The following KIFC3 variants were observed in gnomAD, a reference collection of about 807,000 sequenced individuals.
KIFC3 encodes kinesin-like protein KIFC3.
A neutral mutation model predicts 101.8 loss-of-function variants in KIFC3; 60 were observed. That is an observed-to-expected ratio of 0.59 (90% CI 0.48 to 0.73). The LOEUF (loss-of-function observed/expected upper bound fraction) is 0.73. Among genes scored for constraint, KIFC3 ranks in the 30% least tolerant of loss-of-function variants. The probability of loss-of-function intolerance (pLI) is 0.00; values close to 1 mark genes in which losing one functional copy is unlikely to be tolerated. For synonymous variants in KIFC3, 476 were observed against 482.7 expected, an observed-to-expected ratio of 0.99 and a Z score of 0.18; for missense variants, 966 against 1,137.1, an observed-to-expected ratio of 0.85 and a Z score of 2.16.
chr16:57,797,897 G>A (rs1220654791), intron 2 of KIFC3, 175 bp downstream of exon 2: 4 of 1,478,196 alleles, frequency 2.7e-6, no homozygotes, highest in South Asian at 1.4e-5. Flanking sequence ...GGGAAGGAGC[G>A]CCCGGCGAGA....
At position 57,828,174 on chromosome 16, in the gene KIFC3, T is replaced by C. The variant is rs372573645; in HGVS notation, c.109-29892A>G. ...CCACTCTGCGCTCCTCCTCCTCCTC[T>C]CCTTCCTCATCATGAGGGAGCCCCT... On this transcript the variant is annotated intron_variant, in intron 1 of 2. Transcript: ENST00000563028. 3.9e-4 allele frequency among the ~76,000 whole-genome samples: 60 copies of C among 152,320 alleles called. 1 individual carries two copies. In the South Asian group the frequency reaches 0.012, roughly 30 times the overall value.
At position 57,766,603 on chromosome 16, in the gene KIFC3, C is replaced by T. The variant is rs1273020077; in HGVS notation, c.1330+271G>A. 2.0e-5 allele frequency among the ~76,000 whole-genome samples: 3 copies of T among 152,302 alleles called. No homozygotes were observed. In the East Asian group the frequency reaches 5.8e-4, roughly 29 times the overall value. On this transcript the variant is annotated intron_variant, in intron 10 of 19. Transcript: ENST00000445690. Reference sequence around the variant, plus strand: ...CCAACCCAATGCTGCAACACCACACCCCTCGGCTACCCAGGGCCTGGGGAG... The same window carrying T: ...CCAACCCAATGCTGCAACACCACACTCCTCGGCTACCCAGGGCCTGGGGAG...
chr16:57,776,048 G>C, intron 3 of KIFC3: 4 of 985,470 alleles, frequency 4.1e-6, no homozygotes, highest in Non-Finnish European at 4.8e-6. Flanking sequence ...AGCCAGCCCA[G>C]GTCTTTGTGT....
intron 1 of KIFC3, among the ~76,000 whole-genome samples, chr16:57,855,670 G>A (rs1393487198): frequency 3.3e-5 from 5 of 151,898 alleles, no homozygotes; most frequent in Non-Finnish European, 7.4e-5. Flanking sequence ...ACTTGGCCAG[G>A]TGTGGTGGCT....
chr16:57,834,113 G>A (rs1050497408), intron 1 of KIFC3, among the ~76,000 whole-genome samples: 6 of 151,834 alleles, frequency 4.0e-5, no homozygotes, highest in Non-Finnish European at 5.9e-5. Context: ...CTGCCCGCTC[G>A]GCCTCCCAAA....
chr16:57,783,666 T>C (rs1176822963), intron 3 of KIFC3, among the ~76,000 whole-genome samples: 6 of 151,882 alleles, frequency 4.0e-5, no homozygotes, highest in Admixed American at 1.3e-4. Context: ...AGAGACGGGG[T>C]TTCACTATGT....
At position 57,758,313 on chromosome 16, in the gene KIFC3, C is replaced by T. The variant is rs2049377767; in HGVS notation, c.*621G>A. 1 of 246,256 alleles carries T rather than the reference C, an allele frequency of 4.1e-6. No homozygotes were observed. The highest frequency in any genetic ancestry group is 4.3e-5 in the South Asian group (1 of 23,432). The allele number at this position is 246,256 out of a possible 1,614,324, so 15.3% of individuals were successfully genotyped here. A position where few individuals can be genotyped will look rare whatever the true frequency, so the allele number is the denominator to read the frequency against. ...TCAGAGGGAAGAAAATTCGAGAGAC[C>T]AGCGAGCCAGGCAGGTGAGCGAGCA... On this transcript the variant is annotated 3_prime_UTR_variant, in exon 20 of 20. Coordinates refer to ENST00000445690, the MANE Select transcript of KIFC3 (RefSeq NM_001130100.2).
chr16:57,798,430 C>A, intron 1 of KIFC3, 148 bp from the exon 2 acceptor site: 1 of 697,512 alleles, frequency 1.4e-6, no homozygotes, highest in Admixed American at 2.6e-5. Flanking sequence ...CCCCCAAAGA[C>A]CCTAGGGCTC....
chr16:57,799,072 C>T lies in KIFC3; in HGVS notation c.-39-790G>A, dbSNP rs185249668. On this transcript the variant is annotated intron_variant, in intron 1 of 19. Transcript: ENST00000445690. ...AGCAGGCTACTGGAGGCGGCAGGTG[C>T]GAGCCAGGCACCAGGTGGTGTGGGG... Among the ~76,000 whole-genome samples the T allele has an allele frequency of 1.1e-3, 172 of 152,280 alleles. 1 individual carries two copies. The highest frequency in any genetic ancestry group is 3.4e-3 in the Middle Eastern group (1 of 294).
intron 3 of KIFC3, among the ~76,000 whole-genome samples, chr16:57,783,370 T>C (rs909243241): frequency 4.6e-5 from 7 of 152,128 alleles, no homozygotes; most frequent in African/African-American, 1.7e-4. Flanking sequence ...GATGGGTGCA[T>C]TGCCACCTTA....
At chr16:57,858,943 G>A (rs1200699116) in intron 1 of KIFC3, among the ~76,000 whole-genome samples, 1 of 151,816 alleles carries the variant, frequency 6.6e-6, no homozygotes, top group Non-Finnish European at 1.5e-5. Context: ...GAGCAAGACT[G>A]TCTCAAAAAA....
In KIFC3 at chr16:57,769,654, G is replaced by T; in HGVS notation, c.1159C>A (p.Arg387=). The T allele has an allele frequency of 1.2e-6, 2 of 1,611,796 alleles. No homozygotes were observed. The highest frequency in any genetic ancestry group is 1.7e-6 in the Non-Finnish European group (2 of 1,180,016). The change falls in exon 9 of 20, where the codon CGG becomes AGG. Residue 387 remains arginine, a synonymous_variant. Coordinates refer to ENST00000445690, the MANE Select transcript of KIFC3 (RefSeq NM_001130100.2). This position sits in a 1 kb window ranked among gnomAD's most constrained non-coding sequence, Gnocchi z 4.3. ...TLTNDYNGLK[R]QVRGFPLLLQ... ...AGCAGTGGGAAGCCGCGCACCTGCC[G>T]CTTGAGCCCATTGTAGTCGTTGGTG...
At position 57,800,477 on chromosome 16, in the gene KIFC3, T is replaced by C. The variant is rs557883211; in HGVS notation, c.-40+1893A>G. Among the ~76,000 whole-genome samples the C allele has an allele frequency of 1.2e-3, 178 of 152,296 alleles. 1 individual carries two copies. Among genetic ancestry groups the C allele is most frequent in the African/African-American group, 4.3e-3 (177 of 41,574 alleles). ...CACAACCAACCCTGCAGACCAGCTG[T>C]CCAATGGGCAAGGGAAGGAGCAAGG... is the stretch of plus-strand genomic sequence containing the variant. On this transcript the variant is annotated intron_variant, in intron 1 of 19. Coordinates refer to ENST00000445690, the MANE Select transcript of KIFC3 (RefSeq NM_001130100.2).
intron 3 of KIFC3, chr16:57,779,454 G>A (rs1184009808): frequency 1.3e-5 from 2 of 152,196 alleles, no homozygotes; most frequent in Admixed American, 1.3e-4. Context: ...AAGAGTTCTG[G>A]AGATGGATGG....
At chr16:57,852,224 G>A (rs759511175) in intron 1 of KIFC3, among the ~76,000 whole-genome samples, 3 of 152,144 alleles carry the variant, frequency 2.0e-5, no homozygotes, top group Non-Finnish European at 2.9e-5. Context: ...CTGTATGTGG[G>A]GGTGGAGCTT....
intron 3 of KIFC3, among the ~76,000 whole-genome samples, chr16:57,791,982 G>A (rs74022051): frequency 0.033 from 4,995 of 152,266 alleles, 287 homozygotes; most frequent in African/African-American, 0.11. Context: ...CCCTGCACCC[G>A]TGTTCAGATC....
Position 57,758,568 on chromosome 16 carries a change from A to G in KIFC3, c.*366T>C. On this transcript the variant is annotated 3_prime_UTR_variant, in exon 20 of 20. Coordinates refer to ENST00000445690, the MANE Select transcript of KIFC3 (RefSeq NM_001130100.2). ...AAGGAGGGGGCTGGCCAGCTCTGCAAGCTGAGGAGAGGGGCCGAGAAAGCC... is the reference window on the plus strand; with the variant it reads ...AAGGAGGGGGCTGGCCAGCTCTGCAGGCTGAGGAGAGGGGCCGAGAAAGCC... The G allele has an allele frequency of 1.5e-6, 1 of 651,286 alleles. No homozygotes were observed. 40.3% of individuals were successfully genotyped at this position (651,286 alleles called of 1,614,324 possible).
chr16:57,768,362 CTGTG>C (rs2050727310), intron 9 of KIFC3, among the ~76,000 whole-genome samples: 1 of 152,058 alleles, frequency 6.6e-6, no homozygotes, highest in African/African-American at 2.4e-5. Flanking sequence ...CAAAAAAATG[CTGTG>C]TAAATAGTTG....
chr16:57,793,008 TG>T (rs1233475244), intron 3 of KIFC3, among the ~76,000 whole-genome samples: 1 of 151,784 alleles, frequency 6.6e-6, no homozygotes, highest in African/African-American at 2.4e-5. Flanking sequence ...AAATATGCAC[TG>T]GGAACTGTGG....
Sources: allele counts gnomAD v4.1 joint callset (sites outside exome capture counted in the v4.1 genomes callset), GRCh38; gene constraint gnomAD v4.1.1; non-coding constraint Gnocchi (gnomAD v3.1); transcripts MANE v1.5; gene names NCBI Gene and HGNC (gene_info 2026-07-23, HGNC 2026-07-21).